Variants in NIPBL observed in about 807,000 individuals in gnomAD.
The protein encoded by NIPBL is NIPBL cohesin loading factor.
A neutral mutation model predicts 321.8 loss-of-function variants in NIPBL; 19 were observed. That is an observed-to-expected ratio of 0.06 (90% CI 0.04 to 0.09). NIPBL has a LOEUF of 0.09. Ranked by LOEUF, NIPBL falls within the 10% of genes least tolerant of loss-of-function variation. The probability of loss-of-function intolerance (pLI) is 1.00; values close to 1 mark genes in which losing one functional copy is unlikely to be tolerated. For missense variants in NIPBL, 2,210 were observed against 3,327.0 expected, an observed-to-expected ratio of 0.66 and a Z score of 8.26; for synonymous variants, 1,106 against 1,114.1, an observed-to-expected ratio of 0.99 and a Z score of 0.14.
At chr5:36,880,974 T>C (rs549984697) in intron 1 of NIPBL, among the ~76,000 whole-genome samples, 1 of 152,136 alleles carries the variant, frequency 6.6e-6, no homozygotes, top group South Asian at 2.1e-4. Flanking sequence ...ATTATGTTGC[T>C]TTAAGAAATG....
chr5:37,028,873 T>C (rs1449104041), intron 32 of NIPBL, among the ~76,000 whole-genome samples: 1 of 152,208 alleles, frequency 6.6e-6, no homozygotes, highest in Non-Finnish European at 1.5e-5. Context: ...TCTCTTATGT[T>C]AGTTTGCCCC....
rs79354043 is a variant in NIPBL at position 36,877,347 on chromosome 5, G to A, written c.-80+169G>A. On this transcript the variant is annotated intron_variant, in intron 1 of 46. Coordinates refer to ENST00000282516, the MANE Select transcript of NIPBL (RefSeq NM_133433.4). ...CTGGTGGCAGCCGCCTTGGGTAGCG[G>A]TGGTTTTGTACCCTCTCCCGGCCGG... is the stretch of plus-strand genomic sequence containing the variant. Among the ~76,000 whole-genome samples the A allele has an allele frequency of 8.3e-3, 1,266 of 152,256 alleles. 20 individuals carry two copies. The highest frequency in any genetic ancestry group is 0.029 in the African/African-American group (1,198 of 41,542).
chr5:36,964,967 G>A (rs1742043918), intron 6 of NIPBL, among the ~76,000 whole-genome samples: 1 of 152,016 alleles, frequency 6.6e-6, no homozygotes, highest in East Asian at 1.9e-4. Context: ...CAAACAAAAA[G>A]CACAGTGAAA....
At chr5:36,956,434 T>G (rs555606305) in intron 3 of NIPBL, among the ~76,000 whole-genome samples, 1 of 152,148 alleles carries the variant, frequency 6.6e-6, no homozygotes, top group South Asian at 2.1e-4. Context: ...AATGGAGAGA[T>G]ATCTACATTA....
chr5:36,986,078 T>C lies in NIPBL; in HGVS notation c.2898T>C (p.Asp966=). The C allele has an allele frequency of 6.2e-7, 1 of 1,613,864 alleles. No individual in the cohort carries two copies. Among genetic ancestry groups the C allele is most frequent in the South Asian group, 1.1e-5 (1 of 91,086 alleles). ...TTCCGAAAATCAAGAGGGATAAAGA[T>C]GGCAATGTTACTCAGGAGACAAAGA... ...FVIPKIKRDK[D]GNVTQETKKM... is the part of the protein sequence containing the mutation. The change falls in exon 10 of 47, where the codon GAT becomes GAC. Residue 966 remains aspartate, a synonymous_variant. Transcript: ENST00000282516.
At chr5:36,986,821 A>G (rs530024119) in intron 10 of NIPBL, among the ~76,000 whole-genome samples, 7 of 152,242 alleles carry the variant, frequency 4.6e-5, no homozygotes, top group African/African-American at 1.7e-4. Context: ...GTCCTTGTTT[A>G]TGCAAAGGTA....
chr5:37,045,967 TA>T, intron 37 of NIPBL, 141 bp from the exon 38 acceptor site: 1 of 618,146 alleles, frequency 1.6e-6, no homozygotes, highest in Non-Finnish European at 2.9e-6. Flanking sequence ...GCCACTGTTC[TA>T]AAATAAATGG....
intron 1 of NIPBL, among the ~76,000 whole-genome samples, chr5:36,935,342 T>A (rs547005325): frequency 6.6e-6 from 1 of 152,216 alleles, no homozygotes; most frequent in East Asian, 1.9e-4. Context: ...GACATCACAT[T>A]TGTCCTCCTA....
At chr5:37,040,833 A>G (rs1752258705) in intron 34 of NIPBL, among the ~76,000 whole-genome samples, 1 of 152,138 alleles carries the variant, frequency 6.6e-6, no homozygotes, top group South Asian at 2.1e-4. Flanking sequence ...TGTGACAATC[A>G]TTGTCATTAT....
rs753796566 is a variant in NIPBL at position 37,000,588 on chromosome 5, A to G, written c.3502+18A>G. On this transcript the variant is annotated intron_variant, in intron 12 of 46. Coordinates refer to ENST00000282516, the MANE Select transcript of NIPBL (RefSeq NM_133433.4). ...TAGTGAGGGTAATTCATCAGTGTCA[A>G]CGGATTTCTTACATAAACCAATTTA... 6.2e-7 allele frequency: 1 copy of G among 1,611,420 alleles called. No homozygotes were observed.
At chr5:36,919,698 G>T (rs776132149) in intron 1 of NIPBL, among the ~76,000 whole-genome samples, 9 of 152,100 alleles carry the variant, frequency 5.9e-5, no homozygotes, top group Non-Finnish European at 1.0e-4. Context: ...TCATTTAAAA[G>T]TAAGCAAATA....
rs1223302517 is a variant in NIPBL, at chr5:37,000,430, A to T, written c.3362A>T (p.Asp1121Val). 8 of 1,613,444 alleles carry T rather than the reference A, an allele frequency of 5.0e-6. No homozygotes were observed. The Admixed American group carries it at 1.0e-4, about 20-fold the overall frequency. ...DDKAWEYEER[D>V]RRSSGDHRRS... ...AAAGCTTGGGAATATGAAGAGCGTGACAGAAGAAGCTCTGGGGATCATAGG... is the reference window on the plus strand; with the variant it reads ...AAAGCTTGGGAATATGAAGAGCGTGTCAGAAGAAGCTCTGGGGATCATAGG... Residue 1121 changes from aspartate (D) to valine (V), a missense_variant, in exon 12 of 47, where the codon GAC (aspartate) becomes GTC (valine). Physicochemically the swap from Asp to Val is radical, Grantham distance 152. Around this residue, in one of 14 missense-constraint regions of NIPBL, gnomAD observed 381 missense variants for 642.3 expected, o/e 0.59. Coordinates refer to ENST00000282516, the MANE Select transcript of NIPBL (RefSeq NM_133433.4).
chr5:36,885,802 G>T, intron 1 of NIPBL: 1 of 639,554 alleles, frequency 1.6e-6, no homozygotes, highest in South Asian at 1.5e-5. Flanking sequence ...TGTAGCTAGA[G>T]ACAGACATCG....
intron 21 of NIPBL, among the ~76,000 whole-genome samples, chr5:37,011,280 G>A (rs1371227867): frequency 6.6e-6 from 1 of 152,120 alleles, no homozygotes; most frequent in East Asian, 1.9e-4. Context: ...AACTGGACAG[G>A]CACTTTGGCT....
At chr5:37,000,942 G>C in intron 13 of NIPBL, 47 bp from the exon 14 acceptor site, 1 of 1,572,382 alleles carries the variant, frequency 6.4e-7, no homozygotes, top group South Asian at 1.1e-5. Flanking sequence ...AGCTTCACAT[G>C]TCTACTTGTA....
At chr5:36,952,029 T>TGTGTGTGTGTGC (rs1740357357) in intron 1 of NIPBL, among the ~76,000 whole-genome samples, 2 of 101,374 alleles carry the variant, frequency 2.0e-5, no homozygotes, top group African/African-American at 6.0e-5. Context: ...TGTGTGTGTG[T>TGTGTGTGTGTGC]GTGTGTGTGT....
Position 36,985,652 on chromosome 5 carries a change from A to G in NIPBL, c.2472A>G (p.Ser824=), listed in dbSNP as rs1342549115. 2 of 1,614,010 alleles carry G rather than the reference A, an allele frequency of 1.2e-6. No homozygotes were observed. The highest frequency in any genetic ancestry group is 8.5e-7 in the Non-Finnish European group (1 of 1,179,978). ...GTGACCATGATAATAAACAAAAATC[A>G]GATGACAGGGGTGAATCAGAGCGAC... ...LRRDHDNKQK[S]DDRGESERHR... is the part of the protein sequence containing the mutation. Residue 824 remains serine, a synonymous_variant, in exon 10 of 47, where the codon TCA becomes TCG. Coordinates refer to ENST00000282516, the MANE Select transcript of NIPBL (RefSeq NM_133433.4).
intron 9 of NIPBL, among the ~76,000 whole-genome samples, chr5:36,978,215 TCC>T (rs935686434): frequency 1.3e-5 from 2 of 152,078 alleles, no homozygotes; most frequent in Admixed American, 6.6e-5. Context: ...TAATTTACAT[TCC>T]CACCAACAGT....
chr5:36,995,983 C>T (rs1056199066), intron 11 of NIPBL, among the ~76,000 whole-genome samples, 179 bp downstream of exon 11: 1 of 151,792 alleles, frequency 6.6e-6, no homozygotes, highest in African/African-American at 2.4e-5. Flanking sequence ...TCAGTTGGCA[C>T]CAAGAAAAAA....
Sources: gnomAD v4.1 joint callset for allele counts (sites outside exome capture counted in the v4.1 genomes callset) on GRCh38, gnomAD v4.1.1 for gene constraint, gnomAD v4.1.1 regional missense constraint, MANE v1.5 for transcripts, NCBI Gene and HGNC (gene_info 2026-07-23, HGNC 2026-07-21) for gene names.